Variants in COL24A1 observed in about 807,000 individuals in gnomAD.
COL24A1 encodes collagen type XXIV alpha 1 chain.
COL24A1 carries 224 observed loss-of-function variants against 253.9 expected under a neutral mutation model. The observed-to-expected ratio is 0.88, with a 90% CI of 0.79 to 0.99. The LOEUF is 0.99. COL24A1 is among the 50% of genes least tolerant of loss of function. The pLI is 0.00. For missense variants in COL24A1, 2,131 were observed against 2,068.5 expected, an observed-to-expected ratio of 1.03 and a Z score of -0.59; for synonymous variants, 685 against 673.7, an observed-to-expected ratio of 1.02 and a Z score of -0.26.
intron 12 of COL24A1, among the ~76,000 whole-genome samples, chr1:86,044,890 G>C (rs543753790): frequency 1.3e-5 from 2 of 152,134 alleles, no homozygotes; most frequent in Non-Finnish European, 2.9e-5. Context: ...TATAACAAGG[G>C]TTTTGAGAAA....
intron 2 of COL24A1, among the ~76,000 whole-genome samples, chr1:86,145,412 G>A (rs1331929699): frequency 3.3e-5 from 5 of 152,014 alleles, no homozygotes; most frequent in Non-Finnish European, 5.9e-5. Context: ...CACAGTTCTA[G>A]GATTTGTCTC....
At chr1:86,071,178 A>G (rs1701847537) in intron 7 of COL24A1, among the ~76,000 whole-genome samples, 2 of 152,278 alleles carry the variant, frequency 1.3e-5, no homozygotes, top group South Asian at 4.2e-4. Context: ...TCATCAGTTT[A>G]AAATAATGGG....
intron 42 of COL24A1, 84 bp from the exon 43 acceptor site, chr1:85,838,722 A>C: frequency 7.8e-7 from 1 of 1,278,548 alleles, no homozygotes; most frequent in Non-Finnish European, 1.1e-6. Context: ...AGTGTTGTTT[A>C]TTCTTTTGTC....
intron 38 of COL24A1, among the ~76,000 whole-genome samples, chr1:85,848,513 T>C (rs574804965): frequency 3.1e-4 from 47 of 152,280 alleles, no homozygotes; most frequent in African/African-American, 1.1e-3. Flanking sequence ...TTTCACCATG[T>C]TGGCCAGGCT....
intron 5 of COL24A1, among the ~76,000 whole-genome samples, chr1:86,095,069 A>C (rs1160737203): frequency 6.6e-6 from 1 of 152,062 alleles, no homozygotes; most frequent in Non-Finnish European, 1.5e-5. Context: ...TTTTAAAATA[A>C]GAAATGATAG....
rs755798290 is a variant in COL24A1, at chr1:85,961,255, A to G, written c.2556T>C (p.Gly852=). The change falls in exon 24 of 60, where the codon GGT becomes GGC. Residue 852 remains glycine, a synonymous_variant. Transcript: ENST00000370571. The part of the protein sequence containing the change: ...VGDQGNIGKI[G]ETGPVGLPGE... Reference sequence around the variant, plus strand: ...GAGCATAAAATAAGCTTACTGTTTCACCAATTTTTCCAATATTTCCTTGAT... The same window carrying G: ...GAGCATAAAATAAGCTTACTGTTTCGCCAATTTTTCCAATATTTCCTTGAT... The G allele has an allele frequency of 5.0e-6, 8 of 1,603,022 alleles. No homozygotes were observed. Among genetic ancestry groups the G allele is most frequent in the Non-Finnish European group, 6.0e-6 (7 of 1,170,794 alleles).
At chr1:85,776,376 C>T (rs925071504) in intron 52 of COL24A1, among the ~76,000 whole-genome samples, 8 of 151,946 alleles carry the variant, frequency 5.3e-5, no homozygotes, top group African/African-American at 1.7e-4. Context: ...TTTTGGTGAA[C>T]GTTCCATATG....
intron 55 of COL24A1, among the ~76,000 whole-genome samples, chr1:85,757,374 AG>A (rs1420021630): frequency 1.4e-4 from 22 of 152,294 alleles, no homozygotes; most frequent in African/African-American, 5.3e-4. Context: ...ACTGAAAAAA[AG>A]ATGCTCACCA....
intron 1 of COL24A1, among the ~76,000 whole-genome samples, chr1:86,152,406 A>T (rs918646948): frequency 3.3e-5 from 5 of 152,206 alleles, no homozygotes; most frequent in Admixed American, 6.5e-5. Flanking sequence ...ATATTATATA[A>T]AATTAACTTC....
chr1:86,156,883 G>A (rs1290304798), upstream of COL24A1: 2 of 152,732 alleles, frequency 1.3e-5, no homozygotes, highest in Admixed American at 1.3e-4. Flanking sequence ...TGTCAAACAA[G>A]CACACACACC....
intron 35 of COL24A1, 67 bp from the exon 36 acceptor site, chr1:85,868,902 T>G: frequency 8.8e-7 from 1 of 1,133,216 alleles, no homozygotes; most frequent in Non-Finnish European, 1.3e-6. Flanking sequence ...ATTTTATTTT[T>G]AGCCCATAGT....
chr1:86,089,707 C>G (rs1703345420), intron 6 of COL24A1, among the ~76,000 whole-genome samples: 1 of 152,140 alleles, frequency 6.6e-6, no homozygotes. Context: ...GTAATCCCAC[C>G]TACTCAGGAG....
rs41287727 is a variant in COL24A1, at chr1:85,987,680, T to C, written c.2311-26A>G. The C allele has an allele frequency of 9.0e-4, 1,430 of 1,586,712 alleles. 5 individuals carry two copies. Among genetic ancestry groups the C allele is most frequent in the Non-Finnish European group, 9.4e-4 (1,092 of 1,165,038 alleles). ...CTAGGGAATATAAAAATGTAGCGTT[T>C]ATTCCATAGAAAATTACTTTAAATC... On this transcript the variant is annotated intron_variant, in intron 19 of 59. Transcript: ENST00000370571.
At chr1:85,874,562 C>A in intron 35 of COL24A1, 87 bp downstream of exon 35, 2 of 1,207,180 alleles carry the variant, frequency 1.7e-6, no homozygotes, top group Non-Finnish European at 1.2e-6. Flanking sequence ...GTTTATTATC[C>A]AATTTTTTGA....
At chr1:85,957,426 T>A (rs1037730843) in intron 24 of COL24A1, among the ~76,000 whole-genome samples, 1 of 152,184 alleles carries the variant, frequency 6.6e-6, no homozygotes, top group African/African-American at 2.4e-5. Flanking sequence ...AGAGGAAGAC[T>A]AGAAACATCA....
chr1:86,083,193 G>T lies in COL24A1; in HGVS notation c.1707+5981C>A, dbSNP rs190779231. Among the ~76,000 whole-genome samples the T allele has an allele frequency of 2.4e-3, 367 of 152,070 alleles. 9 individuals carry two copies. In the East Asian group the frequency reaches 0.045, roughly 19 times the overall value. ...GGCGCCTGTAGTCCCAGCTACTCGG[G>T]AGGCTGAGGCAGGAAAATGGCGTGA... On this transcript the variant is annotated intron_variant, in intron 7 of 59. Transcript: ENST00000370571.
chr1:85,959,000 C>A (rs1450825508), intron 24 of COL24A1, among the ~76,000 whole-genome samples: 1 of 152,104 alleles, frequency 6.6e-6, no homozygotes, highest in Non-Finnish European at 1.5e-5. Flanking sequence ...TAGAAACAAA[C>A]AAACCTGGAG....
intron 19 of COL24A1, among the ~76,000 whole-genome samples, chr1:86,000,159 T>C (rs1261797607): frequency 6.6e-6 from 1 of 152,198 alleles, no homozygotes; most frequent in Non-Finnish European, 1.5e-5. Flanking sequence ...AGGTCCATCA[T>C]TTCTGTAAAC....
At chr1:85,826,275 T>C (rs1343624992) in intron 43 of COL24A1, among the ~76,000 whole-genome samples, 2 of 147,376 alleles carry the variant, frequency 1.4e-5, no homozygotes, top group African/African-American at 5.0e-5. Context: ...TTCTGTTCCA[T>C]TGATCTATAT....
Sources: allele counts gnomAD v4.1 joint callset (sites outside exome capture counted in the v4.1 genomes callset), GRCh38; gene constraint gnomAD v4.1.1; transcripts MANE v1.5; gene names NCBI Gene and HGNC (gene_info 2026-07-23, HGNC 2026-07-21).